CALHM5: variants seen among roughly 807,000 people sequenced by gnomAD.
CALHM5 encodes calcium homeostasis modulator protein 5.
Under a neutral mutation model 20.9 loss-of-function variants are expected in CALHM5, and 17 were observed. The observed-to-expected ratio is 0.82, with a 90% CI of 0.56 to 1.22. The LOEUF (loss-of-function observed/expected upper bound fraction) is 1.22. Among genes scored for constraint, CALHM5 ranks in the 50% most tolerant of loss-of-function variants. CALHM5 has a pLI of 0.00. For synonymous variants in CALHM5, 148 were observed against 140.0 expected (o/e 1.06, Z -0.40); for missense variants, 360 against 364.6 (o/e 0.99, Z 0.10).
Position 116,515,669 on chromosome 6 carries a change from C to T in CALHM5, c.610C>T (p.Arg204Ter), listed in dbSNP as rs370582612. 2.0e-5 allele frequency: 33 copies of T among 1,613,784 alleles called. No homozygotes were observed. Among genetic ancestry groups the T allele is most frequent in the African/African-American group, 1.1e-4 (8 of 74,856 alleles). Residue 204 changes from arginine (R) to a stop codon, truncating the protein, a stop_gained, in exon 2 of 2, where the codon CGA (arginine) becomes TGA (stop). Transcript: ENST00000368599. LOFTEE classifies it high-confidence loss of function. The part of the protein sequence containing the change: ...SLLTTCYARC[R>*]SKVSYLQLSF... ...GCTCACCACATGTTATGCTCGCTGC[C>T]GATCTAAAGTTAGCTACCTTCAGCT...
At position 116,511,917 on chromosome 6, in the gene CALHM5, G is replaced by A. The variant is rs1257242375; in HGVS notation, c.221G>A (p.Trp74Ter). 1 of 1,613,890 alleles carries A rather than the reference G, an allele frequency of 6.2e-7. No individual in the cohort carries two copies. Among genetic ancestry groups the A allele is most frequent in the African/African-American group, 1.3e-5 (1 of 74,878 alleles). Residue 74 changes from tryptophan to a stop codon, truncating the protein, a stop_gained, in exon 1 of 2, where the codon TGG (tryptophan) becomes TAG (stop). Coordinates refer to ENST00000368599, the MANE Select transcript of CALHM5 (RefSeq NM_153711.5). LOFTEE classifies it high-confidence loss of function. ...GGATTCTTTCTGAACAATAGGTCGT[G>A]GAGACTCTTCACAGGCTGCTGTGTG... is the stretch of plus-strand genomic sequence containing the variant. ...ILGFFLNNRS[W>*]RLFTGCCVNP...
In CALHM5 at chr6:116,520,196, T is replaced by C. The variant is rs979711646; in HGVS notation, c.*4207T>C. On this transcript the variant is annotated 3_prime_UTR_variant, in exon 2 of 2. Coordinates refer to ENST00000368599, the MANE Select transcript of CALHM5 (RefSeq NM_153711.5). The stretch of plus-strand genomic sequence containing the variant: ...AGCCTGATGATCCACTGATTTACTC[T>C]AAAAACTGGTTAAAGCAATCCAGAA... 1.3e-5 allele frequency: 2 copies of C among 152,304 alleles called. No individual in the cohort carries two copies. Among genetic ancestry groups the C allele is most frequent in the Non-Finnish European group, 2.9e-5 (2 of 68,010 alleles). 9.4% of individuals were successfully genotyped at this position (152,304 alleles called of 1,614,324 possible).
Position 116,518,234 on chromosome 6 carries a change from T to C in CALHM5, c.*2245T>C, listed in dbSNP as rs1444874539. ...GACTGGTGTCTGAAGTTGGGGGAGA[T>C]CTTATGGGACTGAGCTCTTAACCTG... On this transcript the variant is annotated 3_prime_UTR_variant, in exon 2 of 2. Transcript: ENST00000368599. 1 of 151,944 alleles carries C rather than the reference T, an allele frequency of 6.6e-6. No individual in the cohort carries two copies. The highest frequency in any genetic ancestry group is 1.5e-5 in the Non-Finnish European group (1 of 68,020). 9.4% of individuals were successfully genotyped at this position (151,944 alleles called of 1,614,324 possible).
rs1484310688 is a variant in CALHM5, at chr6:116,511,800, C to T, written c.104C>T (p.Ser35Phe). The T allele has an allele frequency of 6.2e-7, 1 of 1,614,064 alleles. No homozygotes were observed. Among genetic ancestry groups the T allele is most frequent in the South Asian group, 1.1e-5 (1 of 91,080 alleles). ...ACCGTGGGAAGTGAGCGTCTCTTTT[C>T]TGTTGTGGCTTTTAAGTGCCCCTGC... Reference protein sequence around the residue: ...LLTVGSERLFSVVAFKCPCST... With the variant: ...LLTVGSERLFFVVAFKCPCST... Residue 35 changes from serine to phenylalanine, a missense_variant, in exon 1 of 2, where the codon TCT becomes TTT. Coordinates refer to ENST00000368599, the MANE Select transcript of CALHM5 (RefSeq NM_153711.5).
At chr6:116,514,178 C>T (rs1562339842) in intron 1 of CALHM5, among the ~76,000 whole-genome samples, 1 of 151,990 alleles carries the variant, frequency 6.6e-6, no homozygotes, top group Non-Finnish European at 1.5e-5. Context: ...GGGAAAGCAT[C>T]GGTCAATGCA....
intron 1 of CALHM5, among the ~76,000 whole-genome samples, chr6:116,513,002 C>T (rs947025924): frequency 6.6e-6 from 1 of 152,166 alleles, no homozygotes; most frequent in Middle Eastern, 3.2e-3. Flanking sequence ...GTCATTCCTC[C>T]AGGCACATGA....
Position 116,511,660 on chromosome 6 carries a change from A to G in CALHM5, c.-37A>G, listed in dbSNP as rs915345232. Reference sequence around the variant, plus strand: ...CACTGCCACAGCTGCTCTGCCAATAACAAAGGCACAGCATTTTCCCTCTGT... The same window carrying G: ...CACTGCCACAGCTGCTCTGCCAATAGCAAAGGCACAGCATTTTCCCTCTGT... On this transcript the variant is annotated 5_prime_UTR_variant, in exon 1 of 2. Coordinates refer to ENST00000368599, the MANE Select transcript of CALHM5 (RefSeq NM_153711.5). The G allele has an allele frequency of 6.3e-7, 1 of 1,587,950 alleles. No homozygotes were observed. Among genetic ancestry groups the G allele is most frequent in the African/African-American group, 1.4e-5 (1 of 74,004 alleles).
rs993901254 is a variant in CALHM5 at position 116,523,913 on chromosome 6, G to A, written c.*7924G>A. On this transcript the variant is annotated 3_prime_UTR_variant, in exon 2 of 2. Coordinates refer to ENST00000368599, the MANE Select transcript of CALHM5 (RefSeq NM_153711.5). Reference sequence around the variant, plus strand: ...AGAAAGGAGAATAAAGGAGATATAAGTGACTTAATAACCAGATATGCTATA... The same window carrying A: ...AGAAAGGAGAATAAAGGAGATATAAATGACTTAATAACCAGATATGCTATA... 3 of 152,168 alleles carry A rather than the reference G, an allele frequency of 2.0e-5. No homozygotes were observed. Among genetic ancestry groups the A allele is most frequent in the African/African-American group, 7.2e-5 (3 of 41,442 alleles). 9.4% of individuals were successfully genotyped at this position (152,168 alleles called of 1,614,324 possible).
chr6:116,522,452 A>C lies in CALHM5; in HGVS notation c.*6463A>C, dbSNP rs1465688938. 1 of 152,242 alleles carries C rather than the reference A, an allele frequency of 6.6e-6. No individual in the cohort carries two copies. The highest frequency in any genetic ancestry group is 2.4e-5 in the African/African-American group (1 of 41,464). 9.4% of individuals were successfully genotyped at this position (152,242 alleles called of 1,614,324 possible). A position where few individuals can be genotyped will look rare whatever the true frequency, so the allele number is the denominator to read the frequency against. The stretch of plus-strand genomic sequence containing the variant: ...ACAGGCAAATTGTATTTATACATTT[A>C]TACATTCTCCCTATGCATAGAGAGC... On this transcript the variant is annotated 3_prime_UTR_variant, in exon 2 of 2. Transcript: ENST00000368599.
rs1772238963 is a variant in CALHM5, at chr6:116,516,859, G to A, written c.*870G>A. 6.6e-6 allele frequency: 1 copy of A among 151,788 alleles called. No homozygotes were observed. The highest frequency in any genetic ancestry group is 6.6e-5 in the Admixed American group (1 of 15,232). 9.4% of individuals were successfully genotyped at this position (151,788 alleles called of 1,614,324 possible). ...GCCCTTACAAGTATTATGGTCCTTA[G>A]GCACAGTGCTTACTAGGCCGTGGGT... On this transcript the variant is annotated 3_prime_UTR_variant, in exon 2 of 2. Coordinates refer to ENST00000368599, the MANE Select transcript of CALHM5 (RefSeq NM_153711.5).
In CALHM5 at chr6:116,511,919, AGACTCT is replaced by A; in HGVS notation, c.224_229del (p.Arg75_Phe77delinsIle). On this transcript the variant is annotated inframe_deletion, in exon 1 of 2. Coordinates refer to ENST00000368599, the MANE Select transcript of CALHM5 (RefSeq NM_153711.5). ...ATTCTTTCTGAACAATAGGTCGTGGAGACTCTTCACAGGCTGCTGTGTGAATCCCAG... is the reference window on the plus strand; with the variant it reads ...ATTCTTTCTGAACAATAGGTCGTGGATCACAGGCTGCTGTGTGAATCCCAG... 3 of 1,613,994 alleles carry A rather than the reference AGACTCT, an allele frequency of 1.9e-6. No homozygotes were observed. Among genetic ancestry groups the A allele is most frequent in the Non-Finnish European group, 1.7e-6 (2 of 1,179,994 alleles).
rs1772411873 is a variant in CALHM5 at position 116,524,655 on chromosome 6, T to C, written c.*8666T>C. The C allele has an allele frequency of 1.3e-5, 2 of 152,206 alleles. No homozygotes were observed. Among genetic ancestry groups the C allele is most frequent in the South Asian group, 4.1e-4 (2 of 4,836 alleles). 9.4% of individuals were successfully genotyped at this position (152,206 alleles called of 1,614,324 possible). A position where few individuals can be genotyped will look rare whatever the true frequency, so the allele number is the denominator to read the frequency against. On this transcript the variant is annotated 3_prime_UTR_variant, in exon 2 of 2. Coordinates refer to ENST00000368599, the MANE Select transcript of CALHM5 (RefSeq NM_153711.5). ...TCCTATATTCTCATTGGTTTCTTTA[T>C]CTTTCATGTCCAAAAATGTTAAATA...
At position 116,521,651 on chromosome 6, in the gene CALHM5, T is replaced by C. The variant is rs949060764; in HGVS notation, c.*5662T>C. On this transcript the variant is annotated 3_prime_UTR_variant, in exon 2 of 2. Transcript: ENST00000368599. Reference sequence around the variant, plus strand: ...TCCTTACTCAGTCCACTGATTCAAATGCCAATCTTTTTTGGAAACACCCCT... The same window carrying C: ...TCCTTACTCAGTCCACTGATTCAAACGCCAATCTTTTTTGGAAACACCCCT... The C allele has an allele frequency of 2.6e-5, 4 of 152,146 alleles. No individual in the cohort carries two copies. The highest frequency in any genetic ancestry group is 9.7e-5 in the African/African-American group (4 of 41,420). 9.4% of individuals were successfully genotyped at this position (152,146 alleles called of 1,614,324 possible). A position where few individuals can be genotyped will look rare whatever the true frequency, so the allele number is the denominator to read the frequency against.
At chr6:116,514,788 T>C (rs1041721465) in intron 1 of CALHM5, among the ~76,000 whole-genome samples, 1 of 152,212 alleles carries the variant, frequency 6.6e-6, no homozygotes, top group Non-Finnish European at 1.5e-5. Context: ...ATTATTTCTA[T>C]TTTCAAATAG....
At chr6:116,513,379 G>A (rs1772162533) in intron 1 of CALHM5, among the ~76,000 whole-genome samples, 1 of 152,142 alleles carries the variant, frequency 6.6e-6, no homozygotes, top group Admixed American at 6.6e-5. Context: ...AATGTCTTGT[G>A]TCTTTTATTG....
Position 116,520,319 on chromosome 6 carries a change from C to T in CALHM5, c.*4330C>T, listed in dbSNP as rs1051997072. 1 of 152,058 alleles carries T rather than the reference C, an allele frequency of 6.6e-6. No individual in the cohort carries two copies. The highest frequency in any genetic ancestry group is 1.5e-5 in the Non-Finnish European group (1 of 68,018). 9.4% of individuals were successfully genotyped at this position (152,058 alleles called of 1,614,324 possible). On this transcript the variant is annotated 3_prime_UTR_variant, in exon 2 of 2. Transcript: ENST00000368599. ...TATTCTATTTAGACTTTGGTGGTTC[C>T]GAATTCTCTAAGGTAATTATCTTAA... is the stretch of plus-strand genomic sequence containing the variant.
chr6:116,512,287 C>T, intron 1 of CALHM5, 51 bp downstream of exon 1: 1 of 1,522,552 alleles, frequency 6.6e-7, no homozygotes, highest in East Asian at 2.3e-5. Flanking sequence ...TCGAAGTATT[C>T]TCTCTGTGCT....
At position 116,516,222 on chromosome 6, in the gene CALHM5, A is replaced by G. The variant is rs565439961; in HGVS notation, c.*233A>G. ...TTGCATTGGTGGAGAGGGGCTCAGT[A>G]GGCCTAAATGTTGCTCCAAGATCTA... On this transcript the variant is annotated 3_prime_UTR_variant, in exon 2 of 2. Transcript: ENST00000368599. 1.6e-5 allele frequency: 7 copies of G among 426,388 alleles called. No individual in the cohort carries two copies. The East Asian group carries it at 2.5e-4, about 15-fold the overall frequency. 26.4% of individuals were successfully genotyped at this position (426,388 alleles called of 1,614,324 possible).
At position 116,520,487 on chromosome 6, in the gene CALHM5, G is replaced by T. The variant is rs2115173164; in HGVS notation, c.*4498G>T. 6.6e-6 allele frequency: 1 copy of T among 152,236 alleles called. No individual in the cohort carries two copies. Among genetic ancestry groups the T allele is most frequent in the South Asian group, 2.1e-4 (1 of 4,816 alleles). The allele number at this position is 152,236 out of a possible 1,614,324, so 9.4% of individuals were successfully genotyped here. ...AAAATCATTAAGAAAAAGCTAAGAG[G>T]TTGGCATGAGAGGTTGGATGGAAAG... On this transcript the variant is annotated 3_prime_UTR_variant, in exon 2 of 2. Transcript: ENST00000368599.
Sources: gnomAD v4.1 joint callset for allele counts (sites outside exome capture counted in the v4.1 genomes callset) on GRCh38, gnomAD v4.1.1 for gene constraint, MANE v1.5 for transcripts, NCBI Gene and HGNC (gene_info 2026-07-23, HGNC 2026-07-21) for gene names.